SV2B: variants seen among roughly 807,000 people sequenced by gnomAD.
SV2B encodes synaptic vesicle glycoprotein 2B.
In SV2B, 41 loss-of-function variants were observed where a neutral mutation model predicts 73.9. That is an observed-to-expected ratio of 0.56 (90% CI 0.43 to 0.72). The LOEUF (loss-of-function observed/expected upper bound fraction) is 0.72. SV2B is among the 30% of genes least tolerant of loss of function. The pLI, the probability that SV2B is intolerant of heterozygous loss-of-function variation, is 0.00. For synonymous variants in SV2B, 314 were observed against 314.2 expected, an observed-to-expected ratio of 1.00 and a Z score of 0.01; for missense variants, 764 against 857.8, an observed-to-expected ratio of 0.89 and a Z score of 1.37.
At chr15:91,184,602 C>A (rs925138965) in intron 1 of SV2B, among the ~76,000 whole-genome samples, 1 of 152,144 alleles carries the variant, frequency 6.6e-6, no homozygotes, top group African/African-American at 2.4e-5. Context: ...CAATTTCTTT[C>A]TTCTTTAGCT....
rs2597908 is a variant in SV2B at position 91,119,886 on chromosome 15, A to G, written c.-392+19523A>G. On this transcript the variant is annotated intron_variant, in intron 1 of 12. Transcript: ENST00000394232. ...ACTGATTGTATGTCCCCTTCTAAAC[A>G]TTGTTTTTCCATGCTGTATGTCCAT... 8.0e-3 allele frequency among the ~76,000 whole-genome samples: 1,217 copies of G among 152,318 alleles called. 6 individuals carry two copies. Among genetic ancestry groups the G allele is most frequent in the Admixed American group, 0.015 (230 of 15,300 alleles).
rs1248741863 is a variant in SV2B at position 91,239,522 on chromosome 15, A to G, written c.452-12297A>G. Among the ~76,000 whole-genome samples, 2 of 152,046 alleles carry G rather than the reference A, an allele frequency of 1.3e-5. No homozygotes were observed. The highest frequency in any genetic ancestry group is 2.9e-5 in the Non-Finnish European group (2 of 68,008). On this transcript the variant is annotated intron_variant, in intron 2 of 12. Coordinates refer to ENST00000394232, the MANE Select transcript of SV2B (RefSeq NM_001323032.3). The surrounding 1 kb of genome is among the most constrained non-coding windows in gnomAD (Gnocchi z 5.1). ...TGAAGAAACTGAGCCCCAAGGAGAA[A>G]GTGACTTGGTCAAGGTCATATACTC... is the stretch of plus-strand genomic sequence containing the variant.
Position 91,252,604 on chromosome 15 carries a change from T to G in SV2B, c.784+84T>G, listed in dbSNP as rs1194421644. 3 of 1,421,334 alleles carry G rather than the reference T, an allele frequency of 2.1e-6. No individual in the cohort carries two copies. Among genetic ancestry groups the G allele is most frequent in the Non-Finnish European group, 2.8e-6 (3 of 1,079,316 alleles). 88.0% of individuals were successfully genotyped at this position (1,421,334 alleles called of 1,614,324 possible). ...CAATAGTTCCTGTCCTCAGCCTTAT[T>G]CCATGTACTCACGCACAGTTCCCGT... is the stretch of plus-strand genomic sequence containing the variant. On this transcript the variant is annotated intron_variant, in intron 4 of 12. Coordinates refer to ENST00000394232, the MANE Select transcript of SV2B (RefSeq NM_001323032.3). The surrounding 1 kb of genome is among the most constrained non-coding windows in gnomAD (Gnocchi z 4.6).
intron 2 of SV2B, among the ~76,000 whole-genome samples, chr15:91,235,506 T>C (rs923459682): frequency 2.0e-5 from 3 of 152,112 alleles, no homozygotes; most frequent in Non-Finnish European, 4.4e-5. Flanking sequence ...GCAAGCTCCG[T>C]ACTCTCAAGA....
chr15:91,194,432 A>C (rs1395139077), intron 1 of SV2B, among the ~76,000 whole-genome samples: 1 of 152,194 alleles, frequency 6.6e-6, no homozygotes, highest in Non-Finnish European at 1.5e-5. Context: ...GCTACTGTGA[A>C]CATTCTTGTG....
chr15:91,163,678 G>A lies in SV2B; in HGVS notation c.-391-62195G>A, dbSNP rs1017324550. 2.6e-5 allele frequency among the ~76,000 whole-genome samples: 4 copies of A among 152,074 alleles called. No homozygotes were observed. In the East Asian group the frequency reaches 7.7e-4, roughly 29 times the overall value. On this transcript the variant is annotated intron_variant, in intron 1 of 12. Transcript: ENST00000394232. ...TCTGGACATTAGCCCTTGTCGGATG[G>A]GTAGATTGTGAAAATTTTCTCCCAT... is the stretch of plus-strand genomic sequence containing the variant.
intron 1 of SV2B, among the ~76,000 whole-genome samples, chr15:91,155,841 T>TC (rs1464410607): frequency 6.6e-6 from 1 of 152,090 alleles, no homozygotes; most frequent in African/African-American, 2.4e-5. Context: ...TCCAGACCGT[T>TC]AAGGTAGATA....
At chr15:91,287,817 G>A (rs184901107) in intron 11 of SV2B, among the ~76,000 whole-genome samples, 1 of 152,308 alleles carries the variant, frequency 6.6e-6, no homozygotes, top group East Asian at 1.9e-4. Flanking sequence ...AGGCAGGTGA[G>A]GCACCCAGAC....
Position 91,234,052 on chromosome 15 carries a change from G to A in SV2B, c.451+7338G>A, listed in dbSNP as rs2141525940. The stretch of plus-strand genomic sequence containing the variant: ...TCTGCATTTAATGTTGCAGCTTGTA[G>A]GGCTGGAAAAAACTCTACTATTTGT... On this transcript the variant is annotated intron_variant, in intron 2 of 12. Coordinates refer to ENST00000394232, the MANE Select transcript of SV2B (RefSeq NM_001323032.3). This position sits in a 1 kb window ranked among gnomAD's most constrained non-coding sequence, Gnocchi z 5.6. Among the ~76,000 whole-genome samples the A allele has an allele frequency of 6.6e-6, 1 of 152,294 alleles. No homozygotes were observed. The highest frequency in any genetic ancestry group is 2.1e-4 in the South Asian group (1 of 4,824).
intron 1 of SV2B, among the ~76,000 whole-genome samples, chr15:91,120,080 G>A (rs533093728): frequency 2.0e-5 from 3 of 152,330 alleles, no homozygotes; most frequent in African/African-American, 7.2e-5. Flanking sequence ...ATGGTTTCCA[G>A]CCTGGGCGCC....
chr15:91,195,423 G>A (rs2045209536), intron 1 of SV2B, among the ~76,000 whole-genome samples: 1 of 152,204 alleles, frequency 6.6e-6, no homozygotes, highest in South Asian at 2.1e-4. Flanking sequence ...GCCTCCCAAA[G>A]TGCTGGGATT....
intron 1 of SV2B, among the ~76,000 whole-genome samples, chr15:91,179,748 G>A (rs2044473193): frequency 6.6e-6 from 1 of 152,150 alleles, no homozygotes; most frequent in Non-Finnish European, 1.5e-5. Context: ...TTGCTTGGTA[G>A]ATCTTCCTCC....
intron 1 of SV2B, among the ~76,000 whole-genome samples, chr15:91,209,107 G>GTTTTTTTTTTTTTTTTTTTTTTTT (rs1362781398): frequency 1.6e-5 from 2 of 121,952 alleles, no homozygotes; most frequent in African/African-American, 7.3e-5. Flanking sequence ...TGGCAGTACT[G>GTTTTTTTTTTTTTTTTTTTTTTTT]TTTTTTGTTT....
In SV2B at chr15:91,252,296, G is replaced by A. The variant is rs1392084789; in HGVS notation, c.633-73G>A. 4 of 1,540,004 alleles carry A rather than the reference G, an allele frequency of 2.6e-6. No individual in the cohort carries two copies. Among genetic ancestry groups the A allele is most frequent in the Admixed American group, 1.9e-5 (1 of 52,502 alleles). The stretch of plus-strand genomic sequence containing the variant: ...CCACAGAGCCTAAGGTGGGGTATAG[G>A]CAACTTGGTTTCTGCTGTGACCATT... On this transcript the variant is annotated intron_variant, in intron 3 of 12. Transcript: ENST00000394232. This position sits in a 1 kb window ranked among gnomAD's most constrained non-coding sequence, Gnocchi z 4.6.
At chr15:91,116,015 A>G in intron 1 of SV2B, among the ~76,000 whole-genome samples, 1 of 152,342 alleles carries the variant, frequency 6.6e-6, no homozygotes, top group South Asian at 2.1e-4. Context: ...ATACATTATT[A>G]TATGCTTCAG....
intron 1 of SV2B, among the ~76,000 whole-genome samples, chr15:91,119,052 C>T (rs1237832789): frequency 1.3e-5 from 2 of 152,178 alleles, no homozygotes; most frequent in Non-Finnish European, 2.9e-5. Flanking sequence ...ATGGAATCCT[C>T]TGCAGGATGC....
At chr15:91,111,044 C>CT (rs559468847) in intron 1 of SV2B, among the ~76,000 whole-genome samples, 3 of 151,738 alleles carry the variant, frequency 2.0e-5, no homozygotes, top group South Asian at 4.2e-4. Context: ...TGGATAAGGT[C>CT]TTTTTTTTGG....
intron 1 of SV2B, among the ~76,000 whole-genome samples, chr15:91,131,415 A>G (rs1487576376): frequency 6.6e-6 from 1 of 151,858 alleles, no homozygotes; most frequent in Non-Finnish European, 1.5e-5. Flanking sequence ...AAGCACACAT[A>G]TATGTATACA....
At chr15:91,162,184 A>G (rs1168287446) in intron 1 of SV2B, among the ~76,000 whole-genome samples, 3 of 152,152 alleles carry the variant, frequency 2.0e-5, no homozygotes, top group African/African-American at 7.2e-5. Flanking sequence ...TGACTGGATA[A>G]TAATAGCTAT....
Sources: allele counts gnomAD v4.1 joint callset (sites outside exome capture counted in the v4.1 genomes callset), GRCh38; gene constraint gnomAD v4.1.1; non-coding constraint Gnocchi (gnomAD v3.1); transcripts MANE v1.5; gene names NCBI Gene and HGNC (gene_info 2026-07-23, HGNC 2026-07-21).